RIN2: variants seen among roughly 807,000 people sequenced by gnomAD.
The protein encoded by RIN2 is Ras and Rab interactor 2.
In RIN2, 36 loss-of-function variants were observed where a neutral mutation model predicts 78.0. That is an observed-to-expected ratio of 0.46 (90% CI 0.35 to 0.61). The LOEUF (loss-of-function observed/expected upper bound fraction) is 0.61, where lower values mean the gene tolerates loss of function less well. Among genes scored for constraint, RIN2 ranks in the 20% least tolerant of loss-of-function variants. The pLI is 0.00. For missense variants in RIN2, 1,087 were observed against 1,159.7 expected (o/e 0.94, Z 0.91); for synonymous variants, 466 against 466.8 (o/e 1.00, Z 0.02).
chr20:19,768,829 A>G (rs1387098032), intron 1 of RIN2, among the ~76,000 whole-genome samples: 1 of 151,706 alleles, frequency 6.6e-6, no homozygotes, highest in Non-Finnish European at 1.5e-5. Context: ...GCTGATTTTT[A>G]TGCCTTTAGA....
At chr20:19,945,377 G>C (rs1453652532) in intron 4 of RIN2, among the ~76,000 whole-genome samples, 1 of 152,164 alleles carries the variant, frequency 6.6e-6, no homozygotes, top group East Asian at 1.9e-4. Context: ...ATTGATGACT[G>C]AATGTGAAAG....
Position 19,778,766 on chromosome 20 carries a change from G to A in RIN2, c.-163+20439G>A, listed in dbSNP as rs1331837496. Among the ~76,000 whole-genome samples the A allele has an allele frequency of 2.0e-5, 3 of 152,134 alleles. No individual in the cohort carries two copies. The East Asian group carries it at 5.8e-4, about 29-fold the overall frequency. On this transcript the variant is annotated intron_variant, in intron 1 of 12. Coordinates refer to ENST00000255006, the MANE Select transcript of RIN2 (RefSeq NM_018993.4). ...GAAGGACACCTGTTCTGAAGTTAGG[G>A]AACTTCTGGGACCTCGGAGGGCCCT... is the stretch of plus-strand genomic sequence containing the variant.
At chr20:19,854,937 G>A (rs1228713376) in intron 2 of RIN2, among the ~76,000 whole-genome samples, 2 of 152,194 alleles carry the variant, frequency 1.3e-5, no homozygotes, top group East Asian at 3.8e-4. Flanking sequence ...AGTGGTGAGA[G>A]AGGGCATCCC....
chr20:19,802,193 C>T (rs1402728390), intron 2 of RIN2, among the ~76,000 whole-genome samples: 1 of 152,148 alleles, frequency 6.6e-6, no homozygotes, highest in Admixed American at 6.5e-5. Flanking sequence ...AAAACTGAGT[C>T]TCATGAGGTT....
Position 19,871,614 on chromosome 20 carries a change from G to A in RIN2, c.-36-17952G>A, listed in dbSNP as rs547376667. Among the ~76,000 whole-genome samples the A allele has an allele frequency of 3.3e-5, 5 of 152,280 alleles. No homozygotes were observed. In the South Asian group the frequency reaches 6.2e-4, roughly 19 times the overall value. On this transcript the variant is annotated intron_variant, in intron 2 of 12. Transcript: ENST00000255006. ...GCTGTTCTAGGTTGGCTTGTTCTAG[G>A]TTTGGCTGGGAGTTAGGGCATGCAT...
intron 8 of RIN2, among the ~76,000 whole-genome samples, chr20:19,972,786 C>A (rs890995897): frequency 6.6e-6 from 1 of 152,132 alleles, no homozygotes; most frequent in African/African-American, 2.4e-5. Context: ...AAGGAGGACT[C>A]AAAGGAGGTG....
chr20:19,821,758 C>T (rs1288225280), intron 2 of RIN2, among the ~76,000 whole-genome samples: 1 of 152,178 alleles, frequency 6.6e-6, no homozygotes, highest in Non-Finnish European at 1.5e-5. Context: ...CTTCTGGCCT[C>T]CCTCAGAAGA....
At position 19,844,692 on chromosome 20, in the gene RIN2, CTCTTCCTCTTCTTCTTCTTCTTCTTCT is replaced by C. The variant is rs1273094339; in HGVS notation, c.-36-44868_-36-44842del. 4.4e-3 allele frequency among the ~76,000 whole-genome samples: 517 copies of C among 117,712 alleles called. 15 individuals carry two copies. Among genetic ancestry groups the C allele is most frequent in the Non-Finnish European group, 5.7e-3 (321 of 56,414 alleles). The allele number at this position is 117,712 out of a possible 152,430, so 77.2% of individuals were successfully genotyped here. On this transcript the variant is annotated intron_variant, in intron 2 of 12. Transcript: ENST00000255006. ...TTCCTTCTTCTTCTTCTTCCTCTTC[CTCTTCCTCTTCTTCTTCTTCTTCTTCT>C]TCTTCTTCTTCTTCTTCTTCTTCTT...
At chr20:19,887,353 AAAT>A (rs1463504368) in intron 2 of RIN2, among the ~76,000 whole-genome samples, 1 of 152,056 alleles carries the variant, frequency 6.6e-6, no homozygotes, top group Non-Finnish European at 1.5e-5. Context: ...TTATTTTTTA[AAAT>A]AATAATAAGC....
At chr20:19,803,044 T>C (rs932865671) in intron 2 of RIN2, among the ~76,000 whole-genome samples, 4 of 152,238 alleles carry the variant, frequency 2.6e-5, no homozygotes, top group Admixed American at 2.6e-4. Flanking sequence ...GAATGCTTTA[T>C]TGTTCCTGTT....
At chr20:19,938,643 A>C (rs2040743847) in intron 4 of RIN2, among the ~76,000 whole-genome samples, 1 of 152,198 alleles carries the variant, frequency 6.6e-6, no homozygotes, top group African/African-American at 2.4e-5. Context: ...GAATAATAAC[A>C]GAGTTACCTC....
At chr20:19,875,726 A>G (rs935866330) in intron 2 of RIN2, among the ~76,000 whole-genome samples, 2 of 152,104 alleles carry the variant, frequency 1.3e-5, no homozygotes, top group African/African-American at 4.8e-5. Flanking sequence ...GACAGTGGTG[A>G]TGCAGACATT....
At chr20:19,980,052 A>AAAAAC (rs1404055668) in intron 9 of RIN2, among the ~76,000 whole-genome samples, 1 of 150,940 alleles carries the variant, frequency 6.6e-6, no homozygotes, top group Non-Finnish European at 1.5e-5. Flanking sequence ...CTCAAAAAAA[A>AAAAAC]AAAAAAAAAA....
At chr20:19,873,735 C>T (rs930835096) in intron 2 of RIN2, among the ~76,000 whole-genome samples, 3 of 152,058 alleles carry the variant, frequency 2.0e-5, no homozygotes, top group East Asian at 1.9e-4. Flanking sequence ...TCCATAGAAC[C>T]GAATTTGCAT....
chr20:19,882,689 C>G (rs1043576091), intron 2 of RIN2, among the ~76,000 whole-genome samples: 25 of 152,144 alleles, frequency 1.6e-4, no homozygotes, highest in African/African-American at 5.6e-4. Flanking sequence ...TGTTGTGTGA[C>G]CACTGATCAC....
chr20:19,908,201 T>C (rs1020071179), intron 3 of RIN2, among the ~76,000 whole-genome samples: 2 of 152,098 alleles, frequency 1.3e-5, no homozygotes, highest in African/African-American at 2.4e-5. Flanking sequence ...ACTTCAGAGT[T>C]TGGACATCGG....
intron 4 of RIN2, among the ~76,000 whole-genome samples, chr20:19,940,437 AG>A (rs908105855): frequency 1.3e-5 from 2 of 152,202 alleles, no homozygotes; most frequent in African/African-American, 4.8e-5. Context: ...GCAAAGAAAT[AG>A]GGCAGAGGCC....
intron 2 of RIN2, among the ~76,000 whole-genome samples, chr20:19,883,531 C>G (rs1465027203): frequency 1.3e-5 from 2 of 151,970 alleles, no homozygotes; most frequent in African/African-American, 4.8e-5. Context: ...TTTGTAGAGA[C>G]AGGGTCTCCC....
chr20:19,806,261 G>A (rs755140671), intron 2 of RIN2, among the ~76,000 whole-genome samples: 13 of 152,108 alleles, frequency 8.5e-5, no homozygotes, highest in Non-Finnish European at 1.6e-4. Flanking sequence ...GGGTCAAATG[G>A]TATTTCTAGT....
Sources: allele counts gnomAD v4.1 joint callset (sites outside exome capture counted in the v4.1 genomes callset), GRCh38; gene constraint gnomAD v4.1.1; transcripts MANE v1.5; gene names NCBI Gene and HGNC (gene_info 2026-07-23, HGNC 2026-07-21).